The following PLSCR2 variants were observed in gnomAD, a reference collection of about 807,000 sequenced individuals.
PLSCR2 encodes phospholipid scramblase 2, also known as PL scramblase 2.
A neutral mutation model predicts 25.3 loss-of-function variants in PLSCR2; 18 were observed. That is an observed-to-expected ratio of 0.71 (90% CI 0.49 to 1.06). PLSCR2 has a LOEUF of 1.06. Ranked by LOEUF, PLSCR2 falls within the 50% of genes least tolerant of loss-of-function variation. The pLI is 0.00. For missense variants in PLSCR2, 243 were observed against 269.5 expected, an observed-to-expected ratio of 0.90 and a Z score of 0.69; for synonymous variants, 88 against 87.3, an observed-to-expected ratio of 1.01 and a Z score of -0.04.
At chr3:146,492,996 C>A (rs1212729430) in intron 1 of PLSCR2, among the ~76,000 whole-genome samples, 1 of 150,064 alleles carries the variant, frequency 6.7e-6, no homozygotes, top group African/African-American at 2.4e-5. Flanking sequence ...CACAGAAATA[C>A]AAAAAAAAAG....
intron 1 of PLSCR2, among the ~76,000 whole-genome samples, chr3:146,492,969 G>C (rs919341630): frequency 6.7e-6 from 1 of 149,694 alleles, no homozygotes. Flanking sequence ...TGACAAAGGA[G>C]ACATTAATAT....
chr3:146,401,650 T>C (rs561819980), intron 2 of PLSCR2: 74 of 152,618 alleles, frequency 4.8e-4, no homozygotes, highest in African/African-American at 1.7e-3. Context: ...TAGGAAATTA[T>C]ATTGGATAAT....
chr3:146,476,990 T>C (rs145639907), intron 1 of PLSCR2, among the ~76,000 whole-genome samples: 1,716 of 152,324 alleles, frequency 0.011, 21 homozygotes, highest in Non-Finnish European at 0.017. Flanking sequence ...AGCACACCTG[T>C]TGGACCAAGG....
At chr3:146,494,457 A>G (rs1210136186) in intron 1 of PLSCR2, 4 of 152,120 alleles carry the variant, frequency 2.6e-5, no homozygotes, top group Non-Finnish European at 5.9e-5. Context: ...ATGTGTATAT[A>G]TGTTTTAATA....
At chr3:146,406,625 T>C (rs2038668117) in intron 2 of PLSCR2, among the ~76,000 whole-genome samples, 1 of 152,160 alleles carries the variant, frequency 6.6e-6, no homozygotes, top group African/African-American at 2.4e-5. Flanking sequence ...TCACCTGACT[T>C]AGGTGCAGTT....
intron 1 of PLSCR2, among the ~76,000 whole-genome samples, chr3:146,483,479 G>GTGTATATATATATATATA (rs571463617): frequency 1.8e-5 from 1 of 54,824 alleles, no homozygotes; most frequent in African/African-American, 8.4e-5. Flanking sequence ...ATATACATGT[G>GTGTATATATATATATATA]TATATATATA....
chr3:146,438,918 G>A (rs1418009488), downstream of PLSCR2, among the ~76,000 whole-genome samples: 3 of 152,158 alleles, frequency 2.0e-5, no homozygotes, highest in African/African-American at 4.8e-5. Flanking sequence ...GGTACCGGTT[G>A]TTCCTTTCAA....
intron 3 of PLSCR2, among the ~76,000 whole-genome samples, chr3:146,392,447 T>G (rs144379593): frequency 6.6e-6 from 1 of 152,208 alleles, no homozygotes; most frequent in African/African-American, 2.4e-5. Flanking sequence ...AGACGCTTTC[T>G]TAAGTTTAGT....
intron 2 of PLSCR2, among the ~76,000 whole-genome samples, chr3:146,402,177 T>A (rs1428457849): frequency 2.0e-5 from 3 of 152,082 alleles, no homozygotes; most frequent in Non-Finnish European, 4.4e-5. Context: ...AAGTGTCCAA[T>A]AAGAGGCAAT....
intron 2 of PLSCR2, among the ~76,000 whole-genome samples, chr3:146,414,175 G>A (rs184680942): frequency 2.0e-4 from 30 of 152,270 alleles, no homozygotes; most frequent in Admixed American, 1.0e-3. Context: ...AGATAAAGGT[G>A]TTAATTCATA....
At chr3:146,395,249 A>G (rs2038233862) in intron 3 of PLSCR2, among the ~76,000 whole-genome samples, 1 of 152,242 alleles carries the variant, frequency 6.6e-6, no homozygotes, top group Admixed American at 6.5e-5. Context: ...AATAGCAAAT[A>G]TTTAATTTGT....
At chr3:146,459,901 G>A (rs1410433569) in exon 2 of PLSCR2, 1 of 1,613,978 alleles carries the variant, frequency 6.2e-7, no homozygotes, top group East Asian at 2.2e-5. Context: ...GGTGGTGCTG[G>A]CATCCATGGT....
chr3:146,451,763 G>A (rs2040911744), intron 5 of PLSCR2, among the ~76,000 whole-genome samples: 1 of 152,172 alleles, frequency 6.6e-6, no homozygotes, highest in Admixed American at 6.5e-5. Flanking sequence ...AATCAGTCAT[G>A]CCTACATAAT....
chr3:146,451,534 C>T (rs1331437326), intron 5 of PLSCR2, among the ~76,000 whole-genome samples: 1 of 152,110 alleles, frequency 6.6e-6, no homozygotes, highest in African/African-American at 2.4e-5. Flanking sequence ...ATTGCTGGCA[C>T]GCAGCTTCAA....
At chr3:146,410,431 G>C (rs1332348135) in intron 2 of PLSCR2, among the ~76,000 whole-genome samples, 4 of 152,146 alleles carry the variant, frequency 2.6e-5, no homozygotes. Flanking sequence ...CTTGGATGTG[G>C]GGTATGACAA....
intron 8 of PLSCR2, among the ~76,000 whole-genome samples, chr3:146,435,390 A>C (rs933713468): frequency 2.0e-5 from 3 of 152,244 alleles, no homozygotes; most frequent in Admixed American, 1.3e-4. Context: ...TCCCACCAAC[A>C]GTGTAAAACT....
chr3:146,416,172 T>G (rs1341813446), intron 2 of PLSCR2, among the ~76,000 whole-genome samples: 2 of 151,646 alleles, frequency 1.3e-5, no homozygotes, highest in Admixed American at 6.6e-5. Context: ...GGATGGTCTC[T>G]ATCTCCTGAC....
exon 2 of PLSCR2, chr3:146,459,927 CCTGG>C: frequency 6.2e-7 from 1 of 1,614,042 alleles, no homozygotes; most frequent in Non-Finnish European, 8.5e-7. Context: ...TTCAGGTCTA[CCTGG>C]CTGATTTTGA....
At position 146,419,888 on chromosome 3, in the gene PLSCR2, T is replaced by A. The variant is rs541752422; in HGVS notation, c.101-23967A>T. Among the ~76,000 whole-genome samples, 57 of 151,016 alleles carry A rather than the reference T, an allele frequency of 3.8e-4. 1 individual carries two copies. Among genetic ancestry groups the A allele is most frequent in the Admixed American group, 2.6e-3 (40 of 15,230 alleles). On this transcript the variant is annotated intron_variant and NMD_transcript_variant, in intron 2 of 3. Transcript: ENST00000463633. ...GGAGCCCTTAACTTAATCACATATG[T>A]GCAGTAACTTTTGCTGTTTAGGACA...
Sources: allele counts gnomAD v4.1 joint callset (sites outside exome capture counted in the v4.1 genomes callset), GRCh38; gene constraint gnomAD v4.1.1; transcripts MANE v1.5; gene names NCBI Gene and HGNC (gene_info 2026-07-23, HGNC 2026-07-21).